Variants in SEZ6L observed in about 807,000 individuals in gnomAD.
SEZ6L encodes the protein seizure 6-like protein.
SEZ6L carries 37 observed loss-of-function variants against 106.2 expected under a neutral mutation model. The ratio of observed to expected loss-of-function variants is 0.35; its 90% confidence interval spans 0.27 to 0.46. The LOEUF is 0.46. Among genes scored for constraint, SEZ6L ranks in the 20% least tolerant of loss-of-function variants. The probability of loss-of-function intolerance (pLI) is 1.00; values close to 1 mark genes in which losing one functional copy is unlikely to be tolerated. For missense variants in SEZ6L, 1,172 were observed against 1,332.8 expected, an observed-to-expected ratio of 0.88 and a Z score of 1.88; for synonymous variants, 541 against 570.4, an observed-to-expected ratio of 0.95 and a Z score of 0.73.
At chr22:26,345,230 G>C (rs2082968838) in intron 10 of SEZ6L, among the ~76,000 whole-genome samples, 1 of 152,148 alleles carries the variant, frequency 6.6e-6, no homozygotes. Flanking sequence ...CAGGCCCTGG[G>C]ATCTGAAGAA....
intron 1 of SEZ6L, among the ~76,000 whole-genome samples, chr22:26,212,648 C>T (rs529493259): frequency 6.6e-6 from 1 of 152,140 alleles, no homozygotes; most frequent in African/African-American, 2.4e-5. Context: ...GTCTCAAACT[C>T]CTGGGCTCCA....
At chr22:26,290,419 C>A (rs2081072913) in intron 1 of SEZ6L, among the ~76,000 whole-genome samples, 1 of 152,216 alleles carries the variant, frequency 6.6e-6, no homozygotes, top group East Asian at 1.9e-4. Context: ...GTGGTCCCAG[C>A]TGCTCAGGAG....
chr22:26,233,266 C>T (rs183080262), intron 1 of SEZ6L, among the ~76,000 whole-genome samples: 3 of 152,318 alleles, frequency 2.0e-5, no homozygotes, highest in South Asian at 2.1e-4. Flanking sequence ...ACTCTCTCTC[C>T]TCATGCGGCG....
chr22:26,319,910 C>A (rs558506104), intron 9 of SEZ6L, among the ~76,000 whole-genome samples: 17 of 152,144 alleles, frequency 1.1e-4, no homozygotes, highest in African/African-American at 3.4e-4. Flanking sequence ...GAATTTGAAC[C>A]CAAATTTATG....
intron 12 of SEZ6L, among the ~76,000 whole-genome samples, chr22:26,363,815 T>C (rs925640407): frequency 6.6e-6 from 1 of 152,164 alleles, no homozygotes; most frequent in Non-Finnish European, 1.5e-5. Context: ...CTGCCTACGA[T>C]GGAATATTAG....
In SEZ6L at chr22:26,277,083, T is replaced by C. The variant is rs1163359001; in HGVS notation, c.95-15323T>C. Among the ~76,000 whole-genome samples, 4 of 150,716 alleles carry C rather than the reference T, an allele frequency of 2.7e-5. No individual in the cohort carries two copies. In the East Asian group the frequency reaches 5.8e-4, roughly 22 times the overall value. Reference sequence around the variant, plus strand: ...CAGAAGACGATTATCCGATAATTACTCTTGTAGCCGAAACACTGAGTCTTT... The same window carrying C: ...CAGAAGACGATTATCCGATAATTACCCTTGTAGCCGAAACACTGAGTCTTT... On this transcript the variant is annotated intron_variant, in intron 1 of 16. Transcript: ENST00000248933.
chr22:26,322,387 G>A (rs761602851), intron 9 of SEZ6L, among the ~76,000 whole-genome samples: 5 of 152,164 alleles, frequency 3.3e-5, no homozygotes, highest in African/African-American at 7.2e-5. Flanking sequence ...GCAGCGACAC[G>A]GGAAGGCTCC....
chr22:26,292,835 C>T lies in SEZ6L; in HGVS notation c.524C>T (p.Ala175Val), dbSNP rs1392213445. 6.2e-7 allele frequency: 1 copy of T among 1,614,022 alleles called. No homozygotes were observed. Among genetic ancestry groups the T allele is most frequent in the Non-Finnish European group, 8.5e-7 (1 of 1,179,916 alleles). ...GPPGDPDPIVASEEASEVPLW... is the reference protein window; with the variant it reads ...GPPGDPDPIVVSEEASEVPLW... ...CCGGGGGACCCGGACCCCATCGTGG[C>T]CTCCGAGGAGGCATCAGAAGTGCCC... is the stretch of plus-strand genomic sequence containing the variant. Residue 175 changes from alanine (A) to valine (V), a missense_variant, in exon 2 of 17, where the codon GCC becomes GTC. Physicochemically the swap from Ala to Val is moderately conservative, Grantham distance 64. Around this residue, in one of 4 missense-constraint regions of SEZ6L, gnomAD observed 494 missense variants for 445.8 expected, o/e 1.11. Transcript: ENST00000248933.
chr22:26,220,016 C>T (rs1473289227), intron 1 of SEZ6L, among the ~76,000 whole-genome samples: 1 of 152,158 alleles, frequency 6.6e-6, no homozygotes, highest in African/African-American at 2.4e-5. Flanking sequence ...GGTGAAGAGG[C>T]TTCTGGGGTG....
chr22:26,279,003 AG>A (rs1208721688), intron 1 of SEZ6L, among the ~76,000 whole-genome samples: 1 of 144,988 alleles, frequency 6.9e-6, no homozygotes, highest in Non-Finnish European at 1.5e-5. Flanking sequence ...GAAGGAAGGA[AG>A]GAAGGGAAGG....
chr22:26,170,771 T>G (rs1480238580), intron 1 of SEZ6L, among the ~76,000 whole-genome samples: 1 of 152,202 alleles, frequency 6.6e-6, no homozygotes, highest in Admixed American at 6.5e-5. Flanking sequence ...CCCGGCCTTC[T>G]TGCAAGGTCC....
intron 1 of SEZ6L, among the ~76,000 whole-genome samples, chr22:26,279,641 C>G (rs1359300423): frequency 6.6e-6 from 1 of 152,148 alleles, no homozygotes; most frequent in Non-Finnish European, 1.5e-5. Context: ...AGGATGGGGC[C>G]AGGGCACTTG....
chr22:26,263,137 C>G (rs1003050132), intron 1 of SEZ6L, among the ~76,000 whole-genome samples: 1 of 152,174 alleles, frequency 6.6e-6, no homozygotes, highest in Non-Finnish European at 1.5e-5. Context: ...TGCCACATGC[C>G]ACATTAACTC....
At position 26,306,030 on chromosome 22, in the gene SEZ6L, C is replaced by G. The variant is rs1209189991; in HGVS notation, c.1400C>G (p.Pro467Arg). 1 of 1,614,158 alleles carries G rather than the reference C, an allele frequency of 6.2e-7. No individual in the cohort carries two copies. Among genetic ancestry groups the G allele is most frequent in the Non-Finnish European group, 8.5e-7 (1 of 1,180,022 alleles). Residue 467 changes from proline to arginine, a missense_variant, in exon 6 of 17, where the codon CCA becomes CGA. Around this residue, in one of 4 missense-constraint regions of SEZ6L, gnomAD observed 534 missense variants for 691.0 expected, o/e 0.77. Coordinates refer to ENST00000248933, the MANE Select transcript of SEZ6L (RefSeq NM_021115.5). ...GCCACCATCGGCCGCGTCCTCTCCC[C>G]AAGTTACCCTGAAAACACAAATGGG... Reference protein sequence around the residue: ...HNATIGRVLSPSYPENTNGSQ... With the variant: ...HNATIGRVLSRSYPENTNGSQ...
At chr22:26,185,711 A>C (rs1426579339) in intron 1 of SEZ6L, among the ~76,000 whole-genome samples, 2 of 151,870 alleles carry the variant, frequency 1.3e-5, no homozygotes, top group African/African-American at 2.4e-5. Context: ...TAAACCCTTT[A>C]CTCACATGAT....
chr22:26,377,328 C>A (rs1188609742), intron 15 of SEZ6L, among the ~76,000 whole-genome samples: 4 of 152,056 alleles, frequency 2.6e-5, no homozygotes, highest in Non-Finnish European at 4.4e-5. Context: ...ATATGGCATA[C>A]AGTAGGTGCT....
At chr22:26,289,577 A>C (rs1188828986) in intron 1 of SEZ6L, among the ~76,000 whole-genome samples, 1 of 152,170 alleles carries the variant, frequency 6.6e-6, no homozygotes, top group Non-Finnish European at 1.5e-5. Flanking sequence ...ACCTGCCCTC[A>C]TGCCATCCAC....
intron 9 of SEZ6L, among the ~76,000 whole-genome samples, chr22:26,326,411 G>A (rs950090933): frequency 6.6e-6 from 1 of 152,174 alleles, no homozygotes; most frequent in South Asian, 2.1e-4. Context: ...ATTATCAGAG[G>A]TCTGGAGATG....
chr22:26,318,323 C>T (rs2082062887), intron 9 of SEZ6L, among the ~76,000 whole-genome samples: 1 of 151,938 alleles, frequency 6.6e-6, no homozygotes, highest in Non-Finnish European at 1.5e-5. Context: ...ATCTGCCTGC[C>T]TCAGCCTCCC....
Sources: gnomAD v4.1 joint callset for allele counts (sites outside exome capture counted in the v4.1 genomes callset) on GRCh38, gnomAD v4.1.1 for gene constraint, gnomAD v4.1.1 regional missense constraint, MANE v1.5 for transcripts, NCBI Gene and HGNC (gene_info 2026-07-23, HGNC 2026-07-21) for gene names.